Variants in CD226 observed in about 807,000 individuals in gnomAD.
The protein encoded by CD226 is CD226 molecule.
A neutral mutation model predicts 34.9 loss-of-function variants in CD226; 24 were observed. The ratio of observed to expected loss-of-function variants is 0.69; its 90% CI spans 0.50 to 0.97. CD226 has a LOEUF of 0.97. Ranked by LOEUF, CD226 falls within the 50% of genes least tolerant of loss-of-function variation. The pLI is 0.00. For synonymous variants in CD226, 148 were observed against 147.4 expected, an observed-to-expected ratio of 1.00 and a Z score of -0.03; for missense variants, 397 against 412.7, an observed-to-expected ratio of 0.96 and a Z score of 0.33.
At chr18:69,939,057 G>T (rs1049440290) in intron 2 of CD226, among the ~76,000 whole-genome samples, 1 of 152,224 alleles carries the variant, frequency 6.6e-6, no homozygotes, top group African/African-American at 2.4e-5. Flanking sequence ...CTGCACTCCA[G>T]CCTGGGCAAC....
upstream of CD226, among the ~76,000 whole-genome samples, chr18:69,950,417 GCA>G (rs1281330158): frequency 1.3e-5 from 2 of 152,178 alleles, no homozygotes; most frequent in East Asian, 1.9e-4. Flanking sequence ...ACAAATAAAT[GCA>G]CAGTTATGAA....
intron 2 of CD226, among the ~76,000 whole-genome samples, chr18:69,913,212 A>AAG (rs1351471793): frequency 1.3e-5 from 2 of 152,136 alleles, no homozygotes; most frequent in Admixed American, 6.5e-5. Flanking sequence ...AGCAGTGGAG[A>AAG]AGAGAGAGAG....
intron 2 of CD226, among the ~76,000 whole-genome samples, chr18:69,928,497 T>A (rs1208067751): frequency 1.3e-5 from 2 of 152,074 alleles, no homozygotes; most frequent in Admixed American, 1.3e-4. Flanking sequence ...ACAAACAACA[T>A]CCGGGGGAAT....
chr18:69,948,164 AG>A (rs1179877101), upstream of CD226, among the ~76,000 whole-genome samples: 2 of 152,218 alleles, frequency 1.3e-5, no homozygotes, highest in Non-Finnish European at 2.9e-5. Context: ...AGGTTCTGTC[AG>A]GGGTCATATC....
intron 2 of CD226, among the ~76,000 whole-genome samples, chr18:69,915,962 T>C (rs2055380561): frequency 6.6e-6 from 1 of 152,214 alleles, no homozygotes; most frequent in Non-Finnish European, 1.5e-5. Flanking sequence ...AGATATACCC[T>C]AATGTGAGGT....
At chr18:69,871,913 G>A (rs1983546473) in intron 4 of CD226, among the ~76,000 whole-genome samples, 1 of 152,180 alleles carries the variant, frequency 6.6e-6, no homozygotes, top group Non-Finnish European at 1.5e-5. Flanking sequence ...CAGGGAAACT[G>A]GATGGGTTAG....
intron 1 of CD226, among the ~76,000 whole-genome samples, chr18:69,953,368 T>C (rs1392658751): frequency 1.3e-5 from 2 of 152,126 alleles, no homozygotes; most frequent in Non-Finnish European, 2.9e-5. Context: ...ATCCATACAA[T>C]GGAATATTAC....
chr18:69,961,722 C>T (rs147381198), upstream of CD226: 885 of 152,284 alleles, frequency 5.8e-3, 9 homozygotes, highest in Middle Eastern at 0.014. Context: ...TAAGTACTTA[C>T]ACACACACCT....
At chr18:69,892,142 C>T (rs1984940530) in intron 3 of CD226, among the ~76,000 whole-genome samples, 1 of 152,192 alleles carries the variant, frequency 6.6e-6, no homozygotes, top group Non-Finnish European at 1.5e-5. Context: ...GACGATTATA[C>T]AAGGACATGA....
chr18:69,947,491 A>G lies in CD226; in HGVS notation c.-85T>C. 1 of 797,752 alleles carries G rather than the reference A, an allele frequency of 1.3e-6. No homozygotes were observed. 49.4% of individuals were successfully genotyped at this position (797,752 alleles called of 1,614,324 possible). ...GACATGCAGATCCCCAGCACAATGC[A>G]GTTTCCTTCCTCTCAGATGTTATCA... On this transcript the variant is annotated 5_prime_UTR_variant, in exon 1 of 6. Coordinates refer to ENST00000582621, the MANE Select transcript of CD226 (RefSeq NM_001303618.2).
intron 2 of CD226, among the ~76,000 whole-genome samples, chr18:69,933,803 CATGTT>C (rs1348531296): frequency 6.6e-6 from 1 of 152,052 alleles, no homozygotes; most frequent in Non-Finnish European, 1.5e-5. Context: ...ATAATCAGAC[CATGTT>C]AAGAATGAAA....
intron 2 of CD226, among the ~76,000 whole-genome samples, chr18:69,911,400 A>G (rs951599859): frequency 1.3e-5 from 2 of 152,234 alleles, no homozygotes; most frequent in African/African-American, 4.8e-5. Flanking sequence ...TAGCCTAGCA[A>G]GCCCTGGGAA....
At chr18:69,957,204 C>G (rs2145391384), upstream of CD226, 1 of 152,280 alleles carries the variant, frequency 6.6e-6, no homozygotes, top group East Asian at 1.9e-4. Flanking sequence ...CACTCCCCGC[C>G]GAAATCAGTT....
chr18:69,900,576 C>T (rs1190001172), intron 2 of CD226, among the ~76,000 whole-genome samples: 1 of 150,710 alleles, frequency 6.6e-6, no homozygotes, highest in East Asian at 1.9e-4. Flanking sequence ...ACTAAAAATA[C>T]AAAAAATTAG....
rs749691606 is a variant in CD226 at position 69,947,454 on chromosome 18, T to C, written c.-48A>G. 3 of 1,209,240 alleles carry C rather than the reference T, an allele frequency of 2.5e-6. No individual in the cohort carries two copies. Among genetic ancestry groups the C allele is most frequent in the South Asian group, 1.3e-5 (1 of 74,306 alleles). The allele number at this position is 1,209,240 out of a possible 1,614,324, so 74.9% of individuals were successfully genotyped here. A position where few individuals can be genotyped will look rare whatever the true frequency, so the allele number is the denominator to read the frequency against. On this transcript the variant is annotated 5_prime_UTR_variant, in exon 1 of 6. Transcript: ENST00000582621. ...TGGTTCTATTAAAAAAAAAAATTGC[T>C]TTTTATAATGTGACATGCAGATCCC...
intron 2 of CD226, among the ~76,000 whole-genome samples, chr18:69,905,370 G>T (rs1238382680): frequency 6.6e-6 from 1 of 152,176 alleles, no homozygotes; most frequent in Admixed American, 6.5e-5. Context: ...CAACACATTA[G>T]TGTGAAATTG....
intron 3 of CD226, among the ~76,000 whole-genome samples, chr18:69,876,787 C>T (rs1466911854): frequency 6.6e-6 from 1 of 150,660 alleles, no homozygotes; most frequent in East Asian, 2.0e-4. Context: ...GTCCCAAAGA[C>T]ATCTCACCCC....
chr18:69,943,175 C>T lies in CD226; in HGVS notation c.382+3559G>A, dbSNP rs145570645. On this transcript the variant is annotated intron_variant, in intron 2 of 5. Coordinates refer to ENST00000582621, the MANE Select transcript of CD226 (RefSeq NM_001303618.2). ...TTCATAAGGATTAAATGAAATGACA[C>T]GCAGTTGCATCCTACAGAGCAGGCA... is the stretch of plus-strand genomic sequence containing the variant. Among the ~76,000 whole-genome samples, 9 of 152,320 alleles carry T rather than the reference C, an allele frequency of 5.9e-5. No homozygotes were observed. The East Asian group carries it at 1.7e-3, about 29-fold the overall frequency.
At chr18:69,915,425 A>G (rs2145296264) in intron 2 of CD226, among the ~76,000 whole-genome samples, 1 of 152,320 alleles carries the variant, frequency 6.6e-6, no homozygotes, top group Non-Finnish European at 1.5e-5. Flanking sequence ...AAACACTGGA[A>G]GCAAAGATGA....
Sources: gnomAD v4.1 joint callset for allele counts (sites outside exome capture counted in the v4.1 genomes callset) on GRCh38, gnomAD v4.1.1 for gene constraint, MANE v1.5 for transcripts, NCBI Gene and HGNC (gene_info 2026-07-23, HGNC 2026-07-21) for gene names.